Variants in GALNT15 observed in about 807,000 individuals in gnomAD.
GALNT15 encodes the protein UDP-GalNAc transferase T15.
In GALNT15, 67 loss-of-function variants were observed where a neutral mutation model predicts 66.8. The observed-to-expected ratio is 1.00, with a 90% CI of 0.82 to 1.23. The LOEUF is 1.23. GALNT15 is among the 50% of genes most tolerant of loss of function. The pLI, the probability that GALNT15 is intolerant of heterozygous loss-of-function variation, is 0.00. For synonymous variants in GALNT15, 313 were observed against 311.5 expected, an observed-to-expected ratio of 1.00 and a Z score of -0.05; for missense variants, 827 against 804.3, an observed-to-expected ratio of 1.03 and a Z score of -0.34.
At position 16,202,124 on chromosome 3, in the gene GALNT15, C is replaced by T. The variant is rs143730327; in HGVS notation, c.911+1301C>T. 2.2e-3 allele frequency among the ~76,000 whole-genome samples: 337 copies of T among 152,308 alleles called. 1 individual carries two copies. The highest frequency in any genetic ancestry group is 7.8e-3 in the African/African-American group (324 of 41,554). On this transcript the variant is annotated intron_variant, in intron 3 of 9. Transcript: ENST00000339732. The stretch of plus-strand genomic sequence containing the variant: ...CTGGAGACATAGGAGTTACCATCAG[C>T]CAAATGGAGATGGTTTCAAACGTTC...
In GALNT15 at chr3:16,227,570, A is replaced by G; in HGVS notation, c.*70A>G. On this transcript the variant is annotated 3_prime_UTR_variant, in exon 10 of 10. Transcript: ENST00000339732. The surrounding 1 kb of genome is among the most constrained non-coding windows in gnomAD (Gnocchi z 4.5). ...AGCTCCAAGTGAACTTAAAGAGCTT[A>G]TATATTTCATGAAGCTGATCCTTTT... 2 of 1,612,382 alleles carry G rather than the reference A, an allele frequency of 1.2e-6. No homozygotes were observed. Among genetic ancestry groups the G allele is most frequent in the South Asian group, 1.1e-5 (1 of 90,856 alleles).
chr3:16,215,221 T>C (rs1053549828), intron 6 of GALNT15, among the ~76,000 whole-genome samples: 2 of 152,276 alleles, frequency 1.3e-5, no homozygotes, highest in African/African-American at 2.4e-5. Context: ...TGTGAATATA[T>C]ACTTTGTTCT....
downstream of GALNT15, among the ~76,000 whole-genome samples, chr3:16,232,742 G>A (rs1331493301): frequency 6.6e-6 from 1 of 151,476 alleles, no homozygotes; most frequent in Non-Finnish European, 1.5e-5. Flanking sequence ...TGTCCCTGGA[G>A]TGTGTGAGAC....
At chr3:16,220,966 G>A (rs1242914042) in intron 8 of GALNT15, among the ~76,000 whole-genome samples, 1 of 152,204 alleles carries the variant, frequency 6.6e-6, no homozygotes, top group Admixed American at 6.5e-5. Context: ...TGGCACAAGG[G>A]ATGCAGACAT....
chr3:16,233,474 C>G (rs1045005266), downstream of GALNT15, among the ~76,000 whole-genome samples: 1 of 152,126 alleles, frequency 6.6e-6, no homozygotes, highest in Admixed American at 6.5e-5. Context: ...CTTCCTCTTT[C>G]CCATTCTGTC....
chr3:16,207,802 C>T (rs2063773509), intron 3 of GALNT15, among the ~76,000 whole-genome samples: 1 of 152,130 alleles, frequency 6.6e-6, no homozygotes, highest in Non-Finnish European at 1.5e-5. Flanking sequence ...AGATTTCATT[C>T]AGGAGTGGCC....
At position 16,224,485 on chromosome 3, in the gene GALNT15, T is replaced by C. The variant is rs1198087152; in HGVS notation, c.1773+1727T>C. 2.6e-5 allele frequency among the ~76,000 whole-genome samples: 4 copies of C among 152,028 alleles called. No homozygotes were observed. Among genetic ancestry groups the C allele is most frequent in the Non-Finnish European group, 4.4e-5 (3 of 67,996 alleles). On this transcript the variant is annotated intron_variant, in intron 9 of 9. Transcript: ENST00000339732. This position sits in a 1 kb window ranked among gnomAD's most constrained non-coding sequence, Gnocchi z 5.2. ...AAATTAATAGAAACAGAAAGTAAAA[T>C]AGTGGTTACCAGAGGCAGGCAGAGG...
chr3:16,208,582 G>A lies in GALNT15; in HGVS notation c.991G>A (p.Gly331Arg). 6.2e-7 allele frequency: 1 copy of A among 1,614,136 alleles called. No individual in the cohort carries two copies. Among genetic ancestry groups the A allele is most frequent in the Non-Finnish European group, 8.5e-7 (1 of 1,180,000 alleles). The change falls in exon 4 of 10, where the codon GGG becomes AGG. Residue 331 changes from glycine to arginine, a missense_variant. By Grantham distance (125) the Gly-to-Arg change is moderately radical. Coordinates refer to ENST00000339732, the MANE Select transcript of GALNT15 (RefSeq NM_054110.5). ...QYYPSKDLQRGVLDWKLDFHW... is the reference protein window; with the variant it reads ...QYYPSKDLQRRVLDWKLDFHW... ...TTACCCCTCAAAGGACCTGCAGCGT[G>A]GGGTGTTGGACTGGAAGCTGGATTT...
At chr3:16,185,070 C>T (rs1455109935) in intron 1 of GALNT15, among the ~76,000 whole-genome samples, 1 of 152,138 alleles carries the variant, frequency 6.6e-6, no homozygotes, top group East Asian at 1.9e-4. Context: ...GGCAGGGGCA[C>T]CACAGATTGT....
chr3:16,178,032 T>C (rs1047739123), intron 1 of GALNT15, among the ~76,000 whole-genome samples: 1 of 152,214 alleles, frequency 6.6e-6, no homozygotes, highest in Non-Finnish European at 1.5e-5. Flanking sequence ...GATGTGCACA[T>C]GTACTGTGCA....
chr3:16,219,428 G>A lies in GALNT15; in HGVS notation c.1418G>A (p.Arg473His), dbSNP rs535306241. ...GCTGAGAAGCCAGACTGCATGGAACGCTTGCAGCTGCAAAGGAGACTGGGT... is the reference window on the plus strand; with the variant it reads ...GCTGAGAAGCCAGACTGCATGGAACACTTGCAGCTGCAAAGGAGACTGGGT... ...SKAEKPDCMERLQLQRRLGCR... is the reference protein window; with the variant it reads ...SKAEKPDCMEHLQLQRRLGCR... Residue 473 changes from arginine (R) to histidine (H), a missense_variant, in exon 7 of 10, where the codon CGC becomes CAC. By Grantham distance (29) the Arg-to-His change is conservative. Transcript: ENST00000339732. This position sits in a 1 kb window ranked among gnomAD's most constrained non-coding sequence, Gnocchi z 4.3. 5.0e-5 allele frequency: 80 copies of A among 1,614,198 alleles called. No homozygotes were observed. The highest frequency in any genetic ancestry group is 2.8e-4 in the Admixed American group (17 of 60,026).
chr3:16,185,458 G>A (rs1172621507), intron 1 of GALNT15, among the ~76,000 whole-genome samples: 5 of 152,220 alleles, frequency 3.3e-5, no homozygotes, highest in South Asian at 4.2e-4. Flanking sequence ...AAGTTCCCTC[G>A]GTAATGGAGA....
the GALNT15 span, among the ~76,000 whole-genome samples, chr3:16,238,210 G>C: frequency 1.3e-5 from 2 of 152,138 alleles, no homozygotes; most frequent in Admixed American, 1.3e-4. The surrounding 1 kb of genome is among the most constrained non-coding windows in gnomAD (Gnocchi z 4.8). Context: ...TTAGGATATA[G>C]AAAAATGACA....
In GALNT15 at chr3:16,225,403, T is replaced by G. The variant is rs1030333273; in HGVS notation, c.1774-1951T>G. On this transcript the variant is annotated intron_variant, in intron 9 of 9. Transcript: ENST00000339732. This position sits in a 1 kb window ranked among gnomAD's most constrained non-coding sequence, Gnocchi z 4.4. ...TTGCTATGTGTTTTTATCACAATTTTTTTAAAAAAGAGGCCAGGCTCAATG... is the reference window on the plus strand; with the variant it reads ...TTGCTATGTGTTTTTATCACAATTTGTTTAAAAAAGAGGCCAGGCTCAATG... 6.6e-6 allele frequency among the ~76,000 whole-genome samples: 1 copy of G among 152,158 alleles called. No homozygotes were observed. The highest frequency in any genetic ancestry group is 2.4e-5 in the African/African-American group (1 of 41,448).
In GALNT15 at chr3:16,187,941, G is replaced by A. The variant is rs2124848607; in HGVS notation, c.540-7819G>A. Among the ~76,000 whole-genome samples, 1 of 152,292 alleles carries A rather than the reference G, an allele frequency of 6.6e-6. No homozygotes were observed. The highest frequency in any genetic ancestry group is 2.4e-5 in the African/African-American group (1 of 41,558). ...AGTGAAAACAAATCATAGACTCAAA[G>A]GTGGAAGGATCTTTAGATATTACAC... On this transcript the variant is annotated intron_variant, in intron 1 of 9. Coordinates refer to ENST00000339732, the MANE Select transcript of GALNT15 (RefSeq NM_054110.5). The surrounding 1 kb of genome is among the most constrained non-coding windows in gnomAD (Gnocchi z 5.1).
chr3:16,246,333 T>G, the GALNT15 span, among the ~76,000 whole-genome samples: 1,245 of 145,676 alleles, frequency 8.5e-3, 48 homozygotes, highest in East Asian at 0.11. Flanking sequence ...TTTTTTTTTT[T>G]TTTTTTTTTT....
Position 16,211,338 on chromosome 3 carries a change from A to G in GALNT15, c.1197+97A>G. The G allele has an allele frequency of 1.3e-6, 1 of 788,530 alleles. No homozygotes were observed. The highest frequency in any genetic ancestry group is 2.2e-6 in the Non-Finnish European group (1 of 454,946). 48.8% of individuals were successfully genotyped at this position (788,530 alleles called of 1,614,324 possible). On this transcript the variant is annotated intron_variant, in intron 5 of 9. Transcript: ENST00000339732. This position sits in a 1 kb window ranked among gnomAD's most constrained non-coding sequence, Gnocchi z 4.3. ...GGCATTAGAAATGTCACTGGGAAGG[A>G]ATGAGGCTGTGGGAAAATTATAAAG...
rs956208489 is a variant in GALNT15 at position 16,228,133 on chromosome 3, GAA to G, written c.*636_*637del. On this transcript the variant is annotated 3_prime_UTR_variant, in exon 10 of 10. Coordinates refer to ENST00000339732, the MANE Select transcript of GALNT15 (RefSeq NM_054110.5). ...AGCTGAAAAGCTTCAAGAGATCTAG[GAA>G]AAGACATTTTCATGTTAATGAGAAT... 237 of 985,968 alleles carry G rather than the reference GAA, an allele frequency of 2.4e-4. No homozygotes were observed. Among genetic ancestry groups the G allele is most frequent in the South Asian group, 2.3e-4 (5 of 21,300 alleles). 61.1% of individuals were successfully genotyped at this position (985,968 alleles called of 1,614,324 possible).
Position 16,227,791 on chromosome 3 carries a change from A to C in GALNT15, c.*291A>C. On this transcript the variant is annotated 3_prime_UTR_variant, in exon 10 of 10. Coordinates refer to ENST00000339732, the MANE Select transcript of GALNT15 (RefSeq NM_054110.5). The surrounding 1 kb of genome is among the most constrained non-coding windows in gnomAD (Gnocchi z 4.5). ...GATTCTTTGTTTTTCTCCACTGAGC[A>C]CTTAACAATTGCTTTCTCTCTGGCC... 3 of 1,157,180 alleles carry C rather than the reference A, an allele frequency of 2.6e-6. No homozygotes were observed. The highest frequency in any genetic ancestry group is 3.2e-6 in the Non-Finnish European group (3 of 938,818). 71.7% of individuals were successfully genotyped at this position (1,157,180 alleles called of 1,614,324 possible). A position where few individuals can be genotyped will look rare whatever the true frequency, so the allele number is the denominator to read the frequency against.
Sources: allele counts gnomAD v4.1 joint callset (sites outside exome capture counted in the v4.1 genomes callset), GRCh38; gene constraint gnomAD v4.1.1; non-coding constraint Gnocchi (gnomAD v3.1); transcripts MANE v1.5; gene names NCBI Gene and HGNC (gene_info 2026-07-23, HGNC 2026-07-21).